Variants in DHRSX observed in about 807,000 individuals in gnomAD.
DHRSX encodes polyprenol dehydrogenase.
Under a neutral mutation model 34.0 loss-of-function variants are expected in DHRSX, and 31 were observed. The ratio of observed to expected loss-of-function variants is 0.91; its 90% CI spans 0.69 to 1.23. The LOEUF is 1.23. Ranked by LOEUF, DHRSX falls within the 50% of genes most tolerant of loss-of-function variation. The probability of loss-of-function intolerance (pLI) is 0.00; values close to 1 mark genes in which losing one functional copy is unlikely to be tolerated. For synonymous variants in DHRSX, 201 were observed against 183.8 expected, an observed-to-expected ratio of 1.09 and a Z score of -0.76; for missense variants, 414 against 428.1, an observed-to-expected ratio of 0.97 and a Z score of 0.29.
At chrX:2,291,909 T>TTG (rs1478846086) in intron 3 of DHRSX, among the ~76,000 whole-genome samples, 2 of 148,876 alleles carry the variant, frequency 1.3e-5, no homozygotes, top group African/African-American at 4.9e-5. Context: ...TTTTTTTTTT[T>TTG]TTTTTTTTTT....
chrX:2,238,907 AATGCATGC>A (rs762797349), intron 6 of DHRSX, among the ~76,000 whole-genome samples: 1 of 151,900 alleles, frequency 6.6e-6, no homozygotes, highest in Non-Finnish European at 1.5e-5. Context: ...CTTAATATAC[AATGCATGC>A]ATGCATGCAT....
chrX:2,431,590 A>G (rs1202850931), intron 1 of DHRSX, among the ~76,000 whole-genome samples: 1 of 152,158 alleles, frequency 6.6e-6, no homozygotes, highest in Non-Finnish European at 1.5e-5. Flanking sequence ...AAAGAATGAA[A>G]TCATGTCCTT....
At chrX:2,390,742 C>G (rs967173912) in intron 3 of DHRSX, among the ~76,000 whole-genome samples, 2 of 152,182 alleles carry the variant, frequency 1.3e-5, no homozygotes, top group African/African-American at 4.8e-5. Flanking sequence ...AGTATTTGTC[C>G]TTTGGGGATT....
At chrX:2,360,658 G>C in intron 3 of DHRSX, among the ~76,000 whole-genome samples, 1 of 152,094 alleles carries the variant, frequency 6.6e-6, no homozygotes, top group South Asian at 2.1e-4. Context: ...TGACTGAAGG[G>C]TTATTAATCT....
chrX:2,471,182 A>G (rs1485815082), intron 1 of DHRSX, among the ~76,000 whole-genome samples: 1 of 152,208 alleles, frequency 6.6e-6, no homozygotes, highest in East Asian at 1.9e-4. Flanking sequence ...TGACATATTT[A>G]ACAGTGTTTC....
At chrX:2,324,769 C>CTTTTTTT (rs570670358) in intron 3 of DHRSX, among the ~76,000 whole-genome samples, 2 of 131,030 alleles carry the variant, frequency 1.5e-5, no homozygotes, top group African/African-American at 5.8e-5. Flanking sequence ...TTTTTCTTTT[C>CTTTTTTT]TTTTTTTTTT....
At chrX:2,253,347 A>T (rs73183489) in intron 5 of DHRSX, among the ~76,000 whole-genome samples, 17,775 of 147,770 alleles carry the variant, frequency 0.12, 1,805 homozygotes, top group Admixed American at 0.18. Flanking sequence ...GCGTGGCCGC[A>T]CTGCAGCCTG....
intron 3 of DHRSX, among the ~76,000 whole-genome samples, chrX:2,331,210 C>T (rs1246091032): frequency 6.6e-6 from 1 of 152,094 alleles, no homozygotes; most frequent in Admixed American, 6.6e-5. Context: ...CATGAGATTA[C>T]AGGAGTTCAG....
chrX:2,345,831 C>G (rs1472874049), intron 3 of DHRSX, among the ~76,000 whole-genome samples: 1 of 152,188 alleles, frequency 6.6e-6, no homozygotes, highest in Non-Finnish European at 1.5e-5. Context: ...ACTACATCAT[C>G]AGCTCCTCCC....
chrX:2,389,852 C>T (rs1222259344), intron 3 of DHRSX, among the ~76,000 whole-genome samples: 1 of 152,160 alleles, frequency 6.6e-6, no homozygotes, highest in Non-Finnish European at 1.5e-5. Flanking sequence ...ATGAGCTCGG[C>T]TCACTGCGAC....
intron 4 of DHRSX, among the ~76,000 whole-genome samples, chrX:2,270,060 G>A (rs1451170271): frequency 6.6e-5 from 10 of 152,002 alleles, no homozygotes; most frequent in African/African-American, 2.4e-4. Flanking sequence ...TGTATCCGTA[G>A]GTGTATACAT....
chrX:2,362,693 T>G (rs1426072886), intron 3 of DHRSX, among the ~76,000 whole-genome samples: 1 of 152,226 alleles, frequency 6.6e-6, no homozygotes, highest in African/African-American at 2.4e-5. Context: ...GTGCTCCCAT[T>G]TCTGGGTGTC....
chrX:2,310,603 A>T (rs1490749472), intron 3 of DHRSX, among the ~76,000 whole-genome samples: 1 of 151,740 alleles, frequency 6.6e-6, no homozygotes, highest in African/African-American at 2.4e-5. Context: ...AATAAGCAAG[A>T]GAGAGGAAGA....
intron 1 of DHRSX, among the ~76,000 whole-genome samples, chrX:2,458,107 C>G (rs1444497973): frequency 6.6e-6 from 1 of 152,054 alleles, no homozygotes; most frequent in Non-Finnish European, 1.5e-5. Context: ...TGAAGACATT[C>G]GGGAAGAATG....
intron 1 of DHRSX, among the ~76,000 whole-genome samples, chrX:2,428,763 G>A (rs2043881039): frequency 6.6e-6 from 1 of 152,126 alleles, no homozygotes; most frequent in Non-Finnish European, 1.5e-5. Flanking sequence ...AGAACTTAAA[G>A]TATAATAAAA....
chrX:2,437,671 CAG>C lies in DHRSX; in HGVS notation c.110-12369_110-12368del, dbSNP rs1208680585. Among the ~76,000 whole-genome samples the C allele has an allele frequency of 1.4e-3, 200 of 143,056 alleles. No homozygotes were observed. In the Middle Eastern group the frequency reaches 0.018, roughly 13 times the overall value. The allele number at this position is 143,056 out of a possible 152,430, so 93.9% of individuals were successfully genotyped here. ...ATATACCATTGTTTCCTAAGAGAGA[CAG>C]AGAGAGAGAGAGAGAGAGAGAGAGA... On this transcript the variant is annotated intron_variant, in intron 1 of 6. Transcript: ENST00000334651.
chrX:2,347,299 C>G (rs1424909604), intron 3 of DHRSX, among the ~76,000 whole-genome samples: 2 of 152,164 alleles, frequency 1.3e-5, no homozygotes, highest in Admixed American at 6.5e-5. Context: ...CATCAGATCT[C>G]ATAAAACTTA....
intron 1 of DHRSX, among the ~76,000 whole-genome samples, chrX:2,467,103 C>T (rs2044508786): frequency 6.7e-6 from 1 of 148,918 alleles, no homozygotes; most frequent in Non-Finnish European, 1.5e-5. Context: ...CTACATGTAA[C>T]AGCTACTGGG....
intron 3 of DHRSX, among the ~76,000 whole-genome samples, chrX:2,319,559 A>AG (rs1216379018): frequency 5.3e-5 from 8 of 151,054 alleles, no homozygotes; most frequent in Non-Finnish European, 1.2e-4. Flanking sequence ...AAAAAAAAAA[A>AG]AGAGAACGAA....
Sources: gnomAD v4.1 joint callset for allele counts (sites outside exome capture counted in the v4.1 genomes callset) on GRCh38, gnomAD v4.1.1 for gene constraint, MANE v1.5 for transcripts, NCBI Gene and HGNC (gene_info 2026-07-23, HGNC 2026-07-21) for gene names.